KIRREL3: variants seen among roughly 807,000 people sequenced by gnomAD.
KIRREL3 encodes kin of IRRE-like protein 3.
In KIRREL3, 36 loss-of-function variants were observed where a neutral mutation model predicts 89.7. The ratio of observed to expected loss-of-function variants is 0.40; its 90% CI spans 0.31 to 0.53. The LOEUF (loss-of-function observed/expected upper bound fraction) is 0.53. Among genes scored for constraint, KIRREL3 ranks in the 20% least tolerant of loss-of-function variants. KIRREL3 has a pLI of 0.49. For synonymous variants in KIRREL3, 445 were observed against 441.4 expected, an observed-to-expected ratio of 1.01 and a Z score of -0.10; for missense variants, 864 against 1,056.6, an observed-to-expected ratio of 0.82 and a Z score of 2.53.
rs546803780 is a variant in KIRREL3, at chr11:126,995,739, G to T, written c.55+4716C>A. On this transcript the variant is annotated intron_variant, in intron 1 of 16. Transcript: ENST00000525144. The surrounding 1 kb of genome is among the most constrained non-coding windows in gnomAD (Gnocchi z 6.5). ...TTTGCTATTGAAATCTCTTCAATTC[G>T]CTCTGGATTATTCATGTGCTTTTTT... Among the ~76,000 whole-genome samples, 39 of 152,202 alleles carry T rather than the reference G, an allele frequency of 2.6e-4. No homozygotes were observed. The highest frequency in any genetic ancestry group is 9.2e-4 in the African/African-American group (38 of 41,508).
intron 1 of KIRREL3, among the ~76,000 whole-genome samples, chr11:126,798,681 T>A (rs1950889500): frequency 6.6e-6 from 1 of 152,204 alleles, no homozygotes; most frequent in African/African-American, 2.4e-5. Context: ...TCCAGGTCCT[T>A]TTGATTTCTA....
chr11:126,941,477 C>A (rs545009953), intron 1 of KIRREL3, among the ~76,000 whole-genome samples: 2 of 152,318 alleles, frequency 1.3e-5, no homozygotes, highest in South Asian at 4.1e-4. Flanking sequence ...GCTCAGGAAT[C>A]TGCATTTTAA....
chr11:126,452,060 T>A (rs566192709), intron 7 of KIRREL3, among the ~76,000 whole-genome samples: 2 of 152,276 alleles, frequency 1.3e-5, no homozygotes, highest in South Asian at 4.1e-4. Context: ...CTTGCCTCCG[T>A]CTGACCCATC....
rs934355274 is a variant in KIRREL3 at position 126,746,275 on chromosome 11, G to A, written c.56-183363C>T. Among the ~76,000 whole-genome samples, 4 of 152,220 alleles carry A rather than the reference G, an allele frequency of 2.6e-5. No homozygotes were observed. The South Asian group carries it at 6.2e-4, about 24-fold the overall frequency. On this transcript the variant is annotated intron_variant, in intron 1 of 16. Transcript: ENST00000525144. ...ATGGGCCCTTGCCTTTAATCAGCGT[G>A]TGGTTTATTAAAGGAGAAACTATGT...
intron 1 of KIRREL3, among the ~76,000 whole-genome samples, chr11:126,963,665 T>A (rs12225685): frequency 0.022 from 3,317 of 152,274 alleles, 75 homozygotes; most frequent in East Asian, 0.12. Context: ...CCCTTCTTCC[T>A]TTTGGATATC....
chr11:126,688,862 A>G (rs926877960), intron 1 of KIRREL3, among the ~76,000 whole-genome samples: 2 of 152,192 alleles, frequency 1.3e-5, no homozygotes, highest in Non-Finnish European at 2.9e-5. Context: ...CTTAATAACA[A>G]TGAACACTCA....
chr11:126,905,194 G>A lies in KIRREL3; in HGVS notation c.55+95261C>T, dbSNP rs1946529026. On this transcript the variant is annotated intron_variant, in intron 1 of 16. Transcript: ENST00000525144. This position sits in a 1 kb window ranked among gnomAD's most constrained non-coding sequence, Gnocchi z 5.0. ...TGATTCCATGGCTTCCCTACTTGAA[G>A]GCAGGGCTTGGCTTACTTCCAATAA... Among the ~76,000 whole-genome samples, 1 of 152,110 alleles carries A rather than the reference G, an allele frequency of 6.6e-6. No individual in the cohort carries two copies. The highest frequency in any genetic ancestry group is 2.1e-4 in the South Asian group (1 of 4,818).
rs1457442045 is a variant in KIRREL3, at chr11:126,455,706, G to A, written c.848+643C>T. Among the ~76,000 whole-genome samples the A allele has an allele frequency of 6.6e-6, 1 of 152,154 alleles. No individual in the cohort carries two copies. Among genetic ancestry groups the A allele is most frequent in the African/African-American group, 2.4e-5 (1 of 41,430 alleles). On this transcript the variant is annotated intron_variant, in intron 7 of 16. Transcript: ENST00000525144. This position sits in a 1 kb window ranked among gnomAD's most constrained non-coding sequence, Gnocchi z 6.4. The stretch of plus-strand genomic sequence containing the variant: ...AGCTACTTGGGAGGCTGAGGCGGGA[G>A]AATGGCGTGAACCCAGGAGGCAGAG...
chr11:126,626,127 T>C (rs999304390), intron 1 of KIRREL3, among the ~76,000 whole-genome samples: 4 of 152,190 alleles, frequency 2.6e-5, no homozygotes, highest in Admixed American at 2.0e-4. Flanking sequence ...ATTGGCCCTG[T>C]GAGATACATG....
chr11:126,605,473 T>A lies in KIRREL3; in HGVS notation c.56-42561A>T, dbSNP rs190525470. ...TGTGGGGGCTCAGGATGGGACCTAC[T>A]TCATGGGACATGATGGATGAGACTC... On this transcript the variant is annotated intron_variant, in intron 1 of 16. Transcript: ENST00000525144. The surrounding 1 kb of genome is among the most constrained non-coding windows in gnomAD (Gnocchi z 5.7). 7.2e-5 allele frequency among the ~76,000 whole-genome samples: 11 copies of A among 152,242 alleles called. No individual in the cohort carries two copies. Among genetic ancestry groups the A allele is most frequent in the Admixed American group, 6.5e-4 (10 of 15,294 alleles).
At chr11:126,603,349 G>A (rs1942745252) in intron 1 of KIRREL3, among the ~76,000 whole-genome samples, 1 of 152,218 alleles carries the variant, frequency 6.6e-6, no homozygotes. Context: ...CCGCTGTGAT[G>A]AGAACCCTCA....
At chr11:126,964,865 G>C (rs1949216401) in intron 1 of KIRREL3, among the ~76,000 whole-genome samples, 1 of 152,146 alleles carries the variant, frequency 6.6e-6, no homozygotes, top group Non-Finnish European at 1.5e-5. Context: ...AGTCTGTATA[G>C]AGTAGACTCA....
At position 126,952,684 on chromosome 11, in the gene KIRREL3, C is replaced by T. The variant is rs1591375133; in HGVS notation, c.55+47771G>A. ...TGAATGGTATTGCCTAGGTTTTCTT[C>T]TAGGGTTTTCATGGTTTGGGTCTTA... On this transcript the variant is annotated intron_variant, in intron 1 of 16. Coordinates refer to ENST00000525144, the MANE Select transcript of KIRREL3 (RefSeq NM_032531.4). 2.0e-5 allele frequency among the ~76,000 whole-genome samples: 3 copies of T among 152,274 alleles called. No homozygotes were observed. In the East Asian group the frequency reaches 5.8e-4, roughly 29 times the overall value.
intron 7 of KIRREL3, among the ~76,000 whole-genome samples, chr11:126,451,408 ATG>A (rs1176096856): frequency 6.4e-4 from 48 of 74,660 alleles, no homozygotes; most frequent in South Asian, 3.4e-3. Context: ...GCATGTGTGC[ATG>A]TGTGTGCATG....
intron 8 of KIRREL3, among the ~76,000 whole-genome samples, chr11:126,447,398 C>T (rs1467326030): frequency 2.0e-5 from 3 of 152,298 alleles, no homozygotes; most frequent in Non-Finnish European, 4.4e-5. Context: ...GACTGGTGCA[C>T]CTCTGGGGTG....
rs1312046151 is a variant in KIRREL3, at chr11:126,709,907, C to T, written c.56-146995G>A. On this transcript the variant is annotated intron_variant, in intron 1 of 16. Transcript: ENST00000525144. This position sits in a 1 kb window ranked among gnomAD's most constrained non-coding sequence, Gnocchi z 4.0. ...GCACGAGGGTAGGTAATGATGTGAG[C>T]TACCTTACTGAGCATCTTCTATACA... Among the ~76,000 whole-genome samples the T allele has an allele frequency of 6.6e-6, 1 of 152,194 alleles. No homozygotes were observed. Among genetic ancestry groups the T allele is most frequent in the Non-Finnish European group, 1.5e-5 (1 of 68,038 alleles).
At chr11:126,658,403 A>G (rs141249585) in intron 1 of KIRREL3, among the ~76,000 whole-genome samples, 7 of 152,260 alleles carry the variant, frequency 4.6e-5, no homozygotes, top group African/African-American at 1.7e-4. Flanking sequence ...GCCTCCTTAT[A>G]CTTCATCTCA....
intron 1 of KIRREL3, among the ~76,000 whole-genome samples, chr11:126,714,666 C>G (rs2134154716): frequency 6.6e-6 from 1 of 152,292 alleles, no homozygotes; most frequent in East Asian, 1.9e-4. Context: ...GGTGGGCTGA[C>G]TGCCAGTTGC....
chr11:126,866,628 T>C (rs1333077661), intron 1 of KIRREL3, among the ~76,000 whole-genome samples: 1 of 151,640 alleles, frequency 6.6e-6, no homozygotes, highest in Non-Finnish European at 1.5e-5. Flanking sequence ...GAGACCACTC[T>C]GGCCTGCCAC....
Sources: gnomAD v4.1 joint callset for allele counts (sites outside exome capture counted in the v4.1 genomes callset) on GRCh38, gnomAD v4.1.1 for gene constraint, Gnocchi (gnomAD v3.1) non-coding constraint, MANE v1.5 for transcripts, NCBI Gene and HGNC (gene_info 2026-07-23, HGNC 2026-07-21) for gene names.